KIF2A: variants seen among roughly 807,000 people sequenced by gnomAD.
KIF2A encodes kinesin-like protein KIF2A.
KIF2A carries 22 observed loss-of-function variants against 100.2 expected under a neutral mutation model. That is an observed-to-expected ratio of 0.22 (90% CI 0.16 to 0.31). The LOEUF (loss-of-function observed/expected upper bound fraction) is 0.31. Ranked by LOEUF, KIF2A falls within the 10% of genes least tolerant of loss-of-function variation. The probability of loss-of-function intolerance (pLI) is 1.00; values close to 1 mark genes in which losing one functional copy is unlikely to be tolerated. For synonymous variants in KIF2A, 268 were observed against 285.9 expected (o/e 0.94, Z 0.63); for missense variants, 495 against 898.7 (o/e 0.55, Z 5.74).
chr5:62,318,834 C>A (rs1745962704), intron 1 of KIF2A, among the ~76,000 whole-genome samples: 1 of 152,168 alleles, frequency 6.6e-6, no homozygotes, highest in South Asian at 2.1e-4. Context: ...TCATGGATTA[C>A]TGCATATCTC....
intron 14 of KIF2A, 81 bp from the exon 15 acceptor site, chr5:62,365,162 A>G: frequency 1.5e-6 from 1 of 651,082 alleles, no homozygotes; most frequent in South Asian, 2.3e-5. Flanking sequence ...AGTTGTAGTA[A>G]GAGACCTTTT....
intron 3 of KIF2A, among the ~76,000 whole-genome samples, chr5:62,348,947 C>T (rs955641395): frequency 3.3e-5 from 5 of 152,182 alleles, no homozygotes; most frequent in Middle Eastern, 3.4e-3. Flanking sequence ...TGATATCTTT[C>T]AGGGAGGACA....
In KIF2A at chr5:62,315,219, T is replaced by A. The variant is rs140645670; in HGVS notation, c.64+8683T>A. On this transcript the variant is annotated intron_variant, in intron 1 of 20. Coordinates refer to ENST00000407818, the MANE Select transcript of KIF2A (RefSeq NM_001098511.3). ...TTTATAACTCTGGCTGCTCAATAGA[T>A]CACCTGTGGGGCTGTGGAAAAAAAC... Among the ~76,000 whole-genome samples the A allele has an allele frequency of 2.8e-4, 34 of 122,682 alleles. No homozygotes were observed. The East Asian group carries it at 6.8e-3, about 25-fold the overall frequency. The allele number at this position is 122,682 out of a possible 152,430, so 80.5% of individuals were successfully genotyped here. A position where few individuals can be genotyped will look rare whatever the true frequency, so the allele number is the denominator to read the frequency against.
At chr5:62,372,905 G>A (rs1273392898) in intron 17 of KIF2A, among the ~76,000 whole-genome samples, 1 of 152,006 alleles carries the variant, frequency 6.6e-6, no homozygotes, top group Non-Finnish European at 1.5e-5. Flanking sequence ...GATCTTATAA[G>A]TTTCCTTGTC....
chr5:62,357,872 A>T, intron 8 of KIF2A, 127 bp downstream of exon 8: 1 of 673,674 alleles, frequency 1.5e-6, no homozygotes, highest in South Asian at 2.0e-5. Context: ...TGTAACCATT[A>T]TGCAGATTTC....
At chr5:62,341,333 C>T (rs1747279634) in intron 1 of KIF2A, among the ~76,000 whole-genome samples, 1 of 151,244 alleles carries the variant, frequency 6.6e-6, no homozygotes, top group African/African-American at 2.4e-5. Context: ...GACAGGATCT[C>T]ACTCTTGCCC....
chr5:62,355,296 T>C, intron 7 of KIF2A, 42 bp downstream of exon 7: 1 of 1,011,362 alleles, frequency 9.9e-7, no homozygotes, highest in Non-Finnish European at 1.5e-6. Context: ...CTTTTTATGC[T>C]TCAAATAAAA....
intron 4 of KIF2A, among the ~76,000 whole-genome samples, chr5:62,351,787 A>G (rs975936773): frequency 2.6e-5 from 4 of 152,000 alleles, no homozygotes; most frequent in African/African-American, 9.7e-5. Flanking sequence ...GAATATAGGG[A>G]GGGTTGAAGC....
Position 62,366,407 on chromosome 5 carries a change from C to G in KIF2A, c.1579-7C>G. On this transcript the variant is annotated splice_region_variant and splice_polypyrimidine_tract_variant and intron_variant, in intron 15 of 20. Transcript: ENST00000407818. ...TTGTTTACCTTTGCATTTTTTTTTT[C>G]CTGTAGATTGCCACAATCTCTCCAG... is the stretch of plus-strand genomic sequence containing the variant. 6.5e-7 allele frequency: 1 copy of G among 1,538,030 alleles called. No individual in the cohort carries two copies. The highest frequency in any genetic ancestry group is 8.8e-7 in the Non-Finnish European group (1 of 1,134,434).
At chr5:62,385,324 A>T (rs1741970282) in intron 20 of KIF2A, among the ~76,000 whole-genome samples, 160 bp from the exon 21 acceptor site, 1 of 152,244 alleles carries the variant, frequency 6.6e-6, no homozygotes, top group Admixed American at 6.5e-5. Flanking sequence ...ATAGTTGAGC[A>T]TTCTATTTAG....
At chr5:62,360,422 T>C (rs1435904684) in intron 9 of KIF2A, among the ~76,000 whole-genome samples, 1 of 152,052 alleles carries the variant, frequency 6.6e-6, no homozygotes, top group African/African-American at 2.4e-5. Flanking sequence ...CGGTGGCTCA[T>C]GCCTGTAATC....
In KIF2A at chr5:62,377,663, A is replaced by G. The variant is rs1166013792; in HGVS notation, c.1914A>G (p.Glu638=). The change falls in exon 19 of 21, where the codon GAA becomes GAG. Residue 638 remains glutamate, a splice_region_variant and synonymous_variant. Transcript: ENST00000407818. ...TTCTTAACTATTTTTATTTTAAGGA[A>G]GAAGAAGTCTCTCCACAGTTGTTTA... ...DDLKLLCEQN[E]EEVSPQLFTF... is the part of the protein sequence containing the mutation. 6.7e-7 allele frequency: 1 copy of G among 1,494,750 alleles called. No individual in the cohort carries two copies. 92.6% of individuals were successfully genotyped at this position (1,494,750 alleles called of 1,614,324 possible).
chr5:62,306,582 G>C (rs1485556587), intron 1 of KIF2A, 46 bp downstream of exon 1: 6 of 1,482,578 alleles, frequency 4.0e-6, no homozygotes, highest in Non-Finnish European at 5.5e-6. Context: ...CCCCGTGTTC[G>C]GGTGTGCACG....
intron 1 of KIF2A, among the ~76,000 whole-genome samples, chr5:62,307,554 A>G (rs1745370649): frequency 6.6e-6 from 1 of 152,136 alleles, no homozygotes; most frequent in Non-Finnish European, 1.5e-5. Context: ...TTCGGTACCA[A>G]TATTGAAAGA....
chr5:62,371,816 T>G (rs965130690), intron 16 of KIF2A, among the ~76,000 whole-genome samples: 3 of 152,340 alleles, frequency 2.0e-5, no homozygotes, highest in Middle Eastern at 3.4e-3. Context: ...TAAATATAAC[T>G]ATTGAAGATG....
intron 9 of KIF2A, among the ~76,000 whole-genome samples, chr5:62,359,433 C>T: frequency 6.7e-6 from 1 of 150,126 alleles, no homozygotes; most frequent in East Asian, 2.0e-4. Flanking sequence ...TTTGTCTTCA[C>T]CAAGTGTACT....
intron 1 of KIF2A, among the ~76,000 whole-genome samples, chr5:62,338,656 GC>G (rs1371029078): frequency 6.6e-6 from 1 of 151,802 alleles, no homozygotes; most frequent in Non-Finnish European, 1.5e-5. Context: ...AAATTTCATA[GC>G]ATACCAAAAA....
chr5:62,380,037 G>A (rs1233762181), intron 19 of KIF2A, among the ~76,000 whole-genome samples: 2 of 152,144 alleles, frequency 1.3e-5, no homozygotes, highest in African/African-American at 4.8e-5. Flanking sequence ...GATTGCAGGC[G>A]TGTGCCATCA....
intron 9 of KIF2A, among the ~76,000 whole-genome samples, chr5:62,360,489 A>G (rs2111950827): frequency 6.6e-6 from 1 of 151,920 alleles, no homozygotes; most frequent in Admixed American, 6.6e-5. Flanking sequence ...GTTTGAGACC[A>G]GCCTGACCAA....
Sources: allele counts gnomAD v4.1 joint callset (sites outside exome capture counted in the v4.1 genomes callset), GRCh38; gene constraint gnomAD v4.1.1; transcripts MANE v1.5; gene names NCBI Gene and HGNC (gene_info 2026-07-23, HGNC 2026-07-21).